SMYD2: variants seen among roughly 807,000 people sequenced by gnomAD.
SMYD2 encodes the protein SET and MYND domain containing 2, also known as N-lysine methyltransferase SMYD2.
SMYD2 carries 53 observed loss-of-function variants against 59.1 expected under a neutral mutation model. The ratio of observed to expected loss-of-function variants is 0.90; its 90% confidence interval spans 0.72 to 1.13. The LOEUF (loss-of-function observed/expected upper bound fraction) is 1.13. Ranked by LOEUF, SMYD2 falls within the 50% of genes most tolerant of loss-of-function variation. The probability of loss-of-function intolerance (pLI) is 0.00; values close to 1 mark genes in which losing one functional copy is unlikely to be tolerated. For synonymous variants in SMYD2, 208 were observed against 198.8 expected (o/e 1.05, Z -0.39); for missense variants, 494 against 544.7 (o/e 0.91, Z 0.93).
At position 214,337,033 on chromosome 1, in the gene SMYD2, G is replaced by A. The variant is rs1032164188; in HGVS notation, c.*249G>A. ...GCATGGTTTCATATGTTATACTTTG[G>A]ACAGACAGAGTTTTAAAAATGGAAT... On this transcript the variant is annotated 3_prime_UTR_variant, in exon 12 of 12. Transcript: ENST00000366957. The A allele has an allele frequency of 5.0e-6, 1 of 201,036 alleles. No individual in the cohort carries two copies. The highest frequency in any genetic ancestry group is 3.6e-5 in the African/African-American group (1 of 27,406). 12.5% of individuals were successfully genotyped at this position (201,036 alleles called of 1,614,324 possible).
At chr1:214,284,611 G>A (rs1350956321) in intron 1 of SMYD2, among the ~76,000 whole-genome samples, 1 of 150,796 alleles carries the variant, frequency 6.6e-6, no homozygotes, top group Non-Finnish European at 1.5e-5. Context: ...CTGTTGCCCA[G>A]GCTGGAGTGC....
At chr1:214,304,056 A>T (rs1656873839) in intron 1 of SMYD2, among the ~76,000 whole-genome samples, 1 of 152,220 alleles carries the variant, frequency 6.6e-6, no homozygotes, top group South Asian at 2.1e-4. Context: ...GCTTTTGAAA[A>T]AGCTTTGGTT....
intron 11 of SMYD2, among the ~76,000 whole-genome samples, chr1:214,334,702 C>T (rs58484964): frequency 6.6e-6 from 1 of 152,210 alleles, no homozygotes; most frequent in Non-Finnish European, 1.5e-5. Flanking sequence ...TTTGCTGTTT[C>T]TAAAATGCAC....
At chr1:214,330,107 G>T in intron 7 of SMYD2, 61 bp from the exon 8 acceptor site, 1 of 1,171,476 alleles carries the variant, frequency 8.5e-7, no homozygotes, top group Non-Finnish European at 1.2e-6. Context: ...AAAGGCACGG[G>T]AATGACAAGG....
chr1:214,336,799 TCA>T lies in SMYD2; in HGVS notation c.*16_*17del. On this transcript the variant is annotated 3_prime_UTR_variant, in exon 12 of 12. Coordinates refer to ENST00000366957, the MANE Select transcript of SMYD2 (RefSeq NM_020197.3). ...AAAGCCACTGAAACTATGCAGCATT[TCA>T]GTTTTCATTTAAACACTTAGTTCAG... 4.4e-6 allele frequency: 7 copies of T among 1,607,700 alleles called. No homozygotes were observed. Among genetic ancestry groups the T allele is most frequent in the Non-Finnish European group, 5.9e-6 (7 of 1,176,510 alleles).
chr1:214,282,858 A>G (rs1656471855), intron 1 of SMYD2, among the ~76,000 whole-genome samples: 1 of 152,128 alleles, frequency 6.6e-6, no homozygotes, highest in South Asian at 2.1e-4. Flanking sequence ...GGTTTTCCCA[A>G]AGTTAAAAAG....
intron 6 of SMYD2, among the ~76,000 whole-genome samples, chr1:214,327,041 G>A (rs1184946878): frequency 2.6e-5 from 4 of 152,148 alleles, no homozygotes; most frequent in South Asian, 2.1e-4. Context: ...TCTCCTTCTC[G>A]CTGTCCCTGA....
chr1:214,308,258 G>A (rs1403799427), intron 2 of SMYD2, among the ~76,000 whole-genome samples: 2 of 152,160 alleles, frequency 1.3e-5, no homozygotes, highest in African/African-American at 2.4e-5. Context: ...TTTCATTTTT[G>A]TTTCATCTGT....
Position 214,336,686 on chromosome 1 carries a change from T to G in SMYD2, c.1222-18T>G. ...GATTGGCTTCTAGGCTCTCATTGTT[T>G]GTCTTGCTTTTTCCTAGGCCATTGC... On this transcript the variant is annotated intron_variant, in intron 11 of 11. Transcript: ENST00000366957. 1 of 1,612,272 alleles carries G rather than the reference T, an allele frequency of 6.2e-7. No homozygotes were observed. The highest frequency in any genetic ancestry group is 8.5e-7 in the Non-Finnish European group (1 of 1,179,106).
In SMYD2 at chr1:214,314,737, A is replaced by T. The variant is rs370347535; in HGVS notation, c.238-25A>T. ...ATTCCAGTGTATGTGCTATTTTTTA[A>T]TAATGTTTTTTTCAATCTTCCCAGA... On this transcript the variant is annotated intron_variant, in intron 2 of 11. Transcript: ENST00000366957. The T allele has an allele frequency of 1.4e-5, 22 of 1,567,732 alleles. No individual in the cohort carries two copies. In the African/African-American group the frequency reaches 2.8e-4, roughly 20 times the overall value.
At chr1:214,334,417 C>G in intron 11 of SMYD2, 109 bp downstream of exon 11, 2 of 983,284 alleles carry the variant, frequency 2.0e-6, no homozygotes, top group South Asian at 2.8e-5. Flanking sequence ...GGGTGAGCAG[C>G]TCTCACCCAC....
At chr1:214,282,115 A>G (rs1047933739) in intron 1 of SMYD2, among the ~76,000 whole-genome samples, 7 of 152,198 alleles carry the variant, frequency 4.6e-5, no homozygotes, top group African/African-American at 1.4e-4. Context: ...ATGGTATTTA[A>G]TTGTAAGATA....
intron 1 of SMYD2, among the ~76,000 whole-genome samples, chr1:214,284,253 G>GT (rs1259451106): frequency 3.1e-3 from 237 of 76,792 alleles, no homozygotes; most frequent in African/African-American, 7.7e-3. Context: ...TTTTTGGTGT[G>GT]GTTTTTTTTT....
At chr1:214,313,763 C>T (rs1657036894) in intron 2 of SMYD2, among the ~76,000 whole-genome samples, 1 of 150,682 alleles carries the variant, frequency 6.6e-6, no homozygotes, top group Non-Finnish European at 1.5e-5. Context: ...TCCAAAACAC[C>T]ATGGTGTCCT....
chr1:214,298,141 C>T (rs567501370), intron 1 of SMYD2, among the ~76,000 whole-genome samples: 17 of 152,216 alleles, frequency 1.1e-4, no homozygotes, highest in Non-Finnish European at 7.4e-5. Flanking sequence ...ATCACATTAC[C>T]CAACTTCAAA....
At chr1:214,306,669 C>T (rs1406007186) in intron 2 of SMYD2, among the ~76,000 whole-genome samples, 1 of 152,272 alleles carries the variant, frequency 6.6e-6, no homozygotes, top group Admixed American at 6.5e-5. Flanking sequence ...GCAGCCCCTG[C>T]GACATATATG....
At chr1:214,283,192 C>T (rs1382569028) in intron 1 of SMYD2, among the ~76,000 whole-genome samples, 1 of 152,198 alleles carries the variant, frequency 6.6e-6, no homozygotes, top group Non-Finnish European at 1.5e-5. Flanking sequence ...TACGCATACC[C>T]CCAACCTTAG....
At chr1:214,331,812 G>T (rs1203993452) in intron 9 of SMYD2, 2 of 546,396 alleles carry the variant, frequency 3.7e-6, no homozygotes, top group African/African-American at 3.8e-5. Flanking sequence ...TAAAATTCTT[G>T]AGTTGAGCGG....
At chr1:214,323,055 G>C (rs1336545194) in intron 5 of SMYD2, among the ~76,000 whole-genome samples, 1 of 152,090 alleles carries the variant, frequency 6.6e-6, no homozygotes, top group Non-Finnish European at 1.5e-5. Flanking sequence ...GACAAGCAGG[G>C]GTCTCAGCCT....
Sources: gnomAD v4.1 joint callset for allele counts (sites outside exome capture counted in the v4.1 genomes callset) on GRCh38, gnomAD v4.1.1 for gene constraint, MANE v1.5 for transcripts, NCBI Gene and HGNC (gene_info 2026-07-23, HGNC 2026-07-21) for gene names.